The following SBF2 variants were observed in gnomAD, a reference collection of about 807,000 sequenced individuals.
The protein encoded by SBF2 is SET binding factor 2.
Under a neutral mutation model 225.2 loss-of-function variants are expected in SBF2, and 112 were observed. The ratio of observed to expected loss-of-function variants is 0.50; its 90% CI spans 0.43 to 0.58. The LOEUF (loss-of-function observed/expected upper bound fraction) is 0.58. Ranked by LOEUF, SBF2 falls within the 20% of genes least tolerant of loss-of-function variation. The probability of loss-of-function intolerance (pLI) is 0.00; values close to 1 mark genes in which losing one functional copy is unlikely to be tolerated. For missense variants in SBF2, 1,996 were observed against 2,206.2 expected (o/e 0.90, Z 1.91); for synonymous variants, 763 against 773.3 (o/e 0.99, Z 0.22).
At chr11:10,060,853 C>G (rs1448507975) in intron 2 of SBF2, among the ~76,000 whole-genome samples, 1 of 151,982 alleles carries the variant, frequency 6.6e-6, no homozygotes, top group Non-Finnish European at 1.5e-5. Flanking sequence ...ACGGTTAAAC[C>G]CTGTCTCTAC....
chr11:10,104,738 C>T (rs909713163), intron 2 of SBF2, among the ~76,000 whole-genome samples: 2 of 152,110 alleles, frequency 1.3e-5, no homozygotes, highest in African/African-American at 4.8e-5. Context: ...TTATTGCTTC[C>T]TACTCAGCCT....
At chr11:10,001,762 G>A (rs1318791554) in intron 7 of SBF2, among the ~76,000 whole-genome samples, 2 of 152,010 alleles carry the variant, frequency 1.3e-5, no homozygotes, top group Admixed American at 6.6e-5. Flanking sequence ...TCTTGACCTC[G>A]TGATCCACCC....
chr11:9,886,663 C>T (rs1860332435), intron 17 of SBF2, among the ~76,000 whole-genome samples: 3 of 149,160 alleles, frequency 2.0e-5, no homozygotes, highest in African/African-American at 7.4e-5. Flanking sequence ...CTTCTGCCTC[C>T]ATTTCCAGTC....
intron 15 of SBF2, among the ~76,000 whole-genome samples, chr11:9,962,675 T>G (rs1866652549): frequency 6.6e-6 from 1 of 152,164 alleles, no homozygotes; most frequent in Admixed American, 6.5e-5. Context: ...TTAAAACTCT[T>G]TTCGCTTTAC....
At chr11:9,807,089 CAA>C (rs1387448239) in intron 32 of SBF2, among the ~76,000 whole-genome samples, 1 of 152,172 alleles carries the variant, frequency 6.6e-6, no homozygotes, top group African/African-American at 2.4e-5. Flanking sequence ...CAGTGTGTTT[CAA>C]AGAGGCTCAC....
chr11:9,991,501 T>C (rs1947437049), intron 12 of SBF2, among the ~76,000 whole-genome samples: 2 of 152,118 alleles, frequency 1.3e-5, no homozygotes, highest in African/African-American at 4.8e-5. Flanking sequence ...GATTCTCCAA[T>C]ATCTTGGGTT....
intron 1 of SBF2, among the ~76,000 whole-genome samples, chr11:10,278,023 T>A (rs777330910): frequency 9.2e-5 from 14 of 152,190 alleles, no homozygotes; most frequent in Admixed American, 2.0e-4. Context: ...CATTTTAAAG[T>A]GAGAATTCTC....
intron 1 of SBF2, among the ~76,000 whole-genome samples, chr11:10,204,590 G>A (rs966884505): frequency 1.4e-4 from 21 of 151,704 alleles, no homozygotes; most frequent in Middle Eastern, 3.4e-3. Flanking sequence ...CCCAGGAGGC[G>A]GAGGTTGCAG....
At chr11:9,812,910 C>T (rs1854270946) in intron 29 of SBF2, among the ~76,000 whole-genome samples, 2 of 152,134 alleles carry the variant, frequency 1.3e-5, no homozygotes, top group African/African-American at 4.8e-5. Context: ...AGTGGTTTGC[C>T]CAGAATGGCA....
At chr11:9,836,683 A>G (rs1182644441) in intron 26 of SBF2, among the ~76,000 whole-genome samples, 2 of 152,166 alleles carry the variant, frequency 1.3e-5, no homozygotes, top group Non-Finnish European at 2.9e-5. Context: ...ATTCAGTTTT[A>G]GAATACTGAA....
chr11:9,815,467 AT>A lies in SBF2; in HGVS notation c.3978+1372del, dbSNP rs1347117850. Among the ~76,000 whole-genome samples, 16 of 6,284 alleles carry A rather than the reference AT, an allele frequency of 2.5e-3. 1 individual carries two copies. Among genetic ancestry groups the A allele is most frequent in the Middle Eastern group, 0.12 (1 of 8 alleles). The allele number at this position is 6,284 out of a possible 152,430, so 4.1% of individuals were successfully genotyped here. On this transcript the variant is annotated intron_variant, in intron 29 of 39. Transcript: ENST00000256190. ...ACTCCATCTCAAAAACTTAAAAAAA[AT>A]ATAATAATAATATTTTATTGAGGAA...
Position 10,193,967 on chromosome 11 carries a change from T to C in SBF2, c.76A>G (p.Lys26Glu), listed in dbSNP as rs1238261264. 2 of 1,611,670 alleles carry C rather than the reference T, an allele frequency of 1.2e-6. No homozygotes were observed. Among genetic ancestry groups the C allele is most frequent in the Admixed American group, 3.3e-5 (2 of 60,022 alleles). ...EKPGSGEGLG[K>E]IIQRFPQKDW... ...TTCTGTGGAAATCTCTGGATTATTT[T>C]CCCCAGACCTTCTCCTGATCCTGTT... Residue 26 changes from lysine to glutamate, a missense_variant, in exon 2 of 40, where the codon AAA becomes GAA. Physicochemically the swap from Lys to Glu is moderately conservative, Grantham distance 56. Coordinates refer to ENST00000256190, the MANE Select transcript of SBF2 (RefSeq NM_030962.4).
chr11:9,875,989 G>A (rs956025806), intron 17 of SBF2, among the ~76,000 whole-genome samples: 7 of 151,196 alleles, frequency 4.6e-5, no homozygotes, highest in East Asian at 3.9e-4. Flanking sequence ...ACATGGGAAC[G>A]CCAAGATAAA....
intron 2 of SBF2, among the ~76,000 whole-genome samples, chr11:10,081,196 T>TA (rs980199450): frequency 6.6e-6 from 1 of 152,232 alleles, no homozygotes; most frequent in African/African-American, 2.4e-5. Context: ...CAATAAATTT[T>TA]AAAAAAATCT....
At chr11:10,301,047 C>T (rs1185865196) in intron 1 of SBF2, among the ~76,000 whole-genome samples, 1 of 152,154 alleles carries the variant, frequency 6.6e-6, no homozygotes, top group Non-Finnish European at 1.5e-5. Flanking sequence ...GACTGTTACT[C>T]TCTGCCTGTT....
intron 28 of SBF2, among the ~76,000 whole-genome samples, chr11:9,821,784 A>G (rs1394086845): frequency 1.3e-5 from 2 of 152,228 alleles, no homozygotes; most frequent in East Asian, 1.9e-4. Context: ...TAGTGTATAC[A>G]TTATACATTT....
chr11:9,969,128 A>T, intron 13 of SBF2, among the ~76,000 whole-genome samples: 1 of 152,266 alleles, frequency 6.6e-6, no homozygotes, highest in Middle Eastern at 3.4e-3. Context: ...TGGCACATTT[A>T]TTTTTTCCAA....
chr11:9,915,328 T>TC (rs1862986418), intron 16 of SBF2, among the ~76,000 whole-genome samples: 1 of 151,388 alleles, frequency 6.6e-6, no homozygotes, highest in Non-Finnish European at 1.5e-5. Context: ...GTGCCTGTAG[T>TC]CCCAGATACT....
intron 1 of SBF2, among the ~76,000 whole-genome samples, chr11:10,253,310 A>G (rs1960549497): frequency 6.6e-6 from 1 of 152,162 alleles, no homozygotes; most frequent in South Asian, 2.1e-4. Context: ...TATGAGAGAA[A>G]GGAAAGCAGA....
Sources: allele counts gnomAD v4.1 joint callset (sites outside exome capture counted in the v4.1 genomes callset), GRCh38; gene constraint gnomAD v4.1.1; transcripts MANE v1.5; gene names NCBI Gene and HGNC (gene_info 2026-07-23, HGNC 2026-07-21).